SPAG16: variants seen among roughly 807,000 people sequenced by gnomAD.
SPAG16 encodes sperm-associated antigen 16 protein.
Under a neutral mutation model 80.4 loss-of-function variants are expected in SPAG16, and 86 were observed. The ratio of observed to expected loss-of-function variants is 1.07; its 90% CI spans 0.90 to 1.28. The LOEUF (loss-of-function observed/expected upper bound fraction) is 1.28, where lower values mean the gene tolerates loss of function less well. Among genes scored for constraint, SPAG16 ranks in the 50% most tolerant of loss-of-function variants. The pLI, the probability that SPAG16 is intolerant of heterozygous loss-of-function variation, is 0.00. For missense variants in SPAG16, 870 were observed against 765.3 expected, an observed-to-expected ratio of 1.14 and a Z score of -1.61; for synonymous variants, 294 against 265.9, an observed-to-expected ratio of 1.11 and a Z score of -1.03.
chr2:214,100,350 T>A (rs1271558544), intron 13 of SPAG16, among the ~76,000 whole-genome samples: 1 of 151,876 alleles, frequency 6.6e-6, no homozygotes, highest in Non-Finnish European at 1.5e-5. Context: ...CAAAAAGGCA[T>A]TTTTTTTGTT....
chr2:213,928,384 A>G (rs920283729), intron 11 of SPAG16, among the ~76,000 whole-genome samples: 2 of 151,522 alleles, frequency 1.3e-5, no homozygotes, highest in African/African-American at 4.9e-5. Flanking sequence ...GAGCCATCAC[A>G]CCTGGCCCCT....
chr2:213,622,382 G>A (rs1047530324), intron 10 of SPAG16, among the ~76,000 whole-genome samples: 4 of 152,062 alleles, frequency 2.6e-5, no homozygotes, highest in African/African-American at 4.8e-5. Flanking sequence ...CTTTCTTGCC[G>A]CTCCCTAGTT....
chr2:213,730,142 G>C (rs2066965709), intron 10 of SPAG16, among the ~76,000 whole-genome samples: 1 of 152,134 alleles, frequency 6.6e-6, no homozygotes, highest in Non-Finnish European at 1.5e-5. Context: ...CGTCCACTTT[G>C]CAGATTTTAG....
intron 10 of SPAG16, among the ~76,000 whole-genome samples, chr2:213,643,767 C>CTTTTTTTTTTTTTTT (rs71063764): frequency 1.9e-5 from 1 of 52,004 alleles, no homozygotes; most frequent in African/African-American, 8.5e-5. Flanking sequence ...CTCACTACTT[C>CTTTTTTTTTTTTTTT]TTTTTTTTTT....
intron 15 of SPAG16, among the ~76,000 whole-genome samples, chr2:214,320,625 C>T (rs1260014601): frequency 1.3e-5 from 2 of 152,200 alleles, no homozygotes; most frequent in South Asian, 2.1e-4. Context: ...AAGACACCTT[C>T]TTCACAGTGC....
intron 3 of SPAG16, among the ~76,000 whole-genome samples, chr2:213,307,482 T>A (rs1231321982): frequency 6.9e-6 from 1 of 143,934 alleles, no homozygotes; most frequent in Non-Finnish European, 1.5e-5. Flanking sequence ...TGCGATAGTT[T>A]ACTGAGAATG....
intron 10 of SPAG16, among the ~76,000 whole-genome samples, chr2:213,523,553 G>A (rs2075769949): frequency 6.6e-6 from 1 of 152,126 alleles, no homozygotes; most frequent in African/African-American, 2.4e-5. Flanking sequence ...GAAAAATGTA[G>A]GAAAGTTTGG....
intron 9 of SPAG16, among the ~76,000 whole-genome samples, chr2:213,410,887 A>C (rs2068930093): frequency 6.6e-6 from 1 of 152,144 alleles, no homozygotes; most frequent in African/African-American, 2.4e-5. Context: ...CTATATCCTG[A>C]AGTCCGGCAC....
At chr2:213,889,226 T>TTAGA (rs1211014771) in intron 11 of SPAG16, among the ~76,000 whole-genome samples, 2 of 151,908 alleles carry the variant, frequency 1.3e-5, no homozygotes, top group African/African-American at 4.8e-5. Flanking sequence ...CATTTTAACT[T>TTAGA]TAGATAGAAA....
intron 15 of SPAG16, among the ~76,000 whole-genome samples, chr2:214,299,297 C>T (rs76729917): frequency 0.05 from 6,267 of 126,340 alleles, 373 homozygotes; most frequent in East Asian, 0.22. Context: ...GTCACCCAGG[C>T]TGGAGTGCAG....
chr2:213,384,613 G>A (rs1420107460), intron 9 of SPAG16, among the ~76,000 whole-genome samples: 2 of 152,148 alleles, frequency 1.3e-5, no homozygotes, highest in Admixed American at 6.5e-5. Context: ...AGGAATGGAG[G>A]AATCATTGTA....
Position 213,297,276 on chromosome 2 carries a change from T to G in SPAG16, c.198T>G (p.Asn66Lys), listed in dbSNP as rs1306761834. 6.2e-7 allele frequency: 1 copy of G among 1,611,686 alleles called. No homozygotes were observed. The highest frequency in any genetic ancestry group is 8.5e-7 in the Non-Finnish European group (1 of 1,178,318). Residue 66 changes from asparagine to lysine, a missense_variant, in exon 3 of 16, where the codon AAT (asparagine) becomes AAG (lysine). By Grantham distance (94) the Asn-to-Lys change is moderately conservative. Transcript: ENST00000331683. ...CTGTGATCTAGATACCAGATGACAA[T>G]TTTAGCATCCCAGAAGGTGAAGAAG... ...DYEYEEIPDD[N>K]FSIPEGEEDL... is the part of the protein sequence containing the mutation.
At chr2:214,200,838 C>T (rs540136804) in intron 15 of SPAG16, among the ~76,000 whole-genome samples, 1 of 152,240 alleles carries the variant, frequency 6.6e-6, no homozygotes, top group African/African-American at 2.4e-5. Flanking sequence ...ACACCAAAGG[C>T]CTGTCTCCTT....
chr2:213,911,853 TAC>T (rs1575530437), intron 11 of SPAG16, among the ~76,000 whole-genome samples: 1 of 102,922 alleles, frequency 9.7e-6, no homozygotes, highest in African/African-American at 3.3e-5. Context: ...AAAAAAAAAA[TAC>T]ACACACGCAC....
intron 10 of SPAG16, among the ~76,000 whole-genome samples, chr2:213,639,491 T>A (rs929796512): frequency 3.3e-5 from 5 of 152,314 alleles, no homozygotes; most frequent in Middle Eastern, 3.4e-3. Flanking sequence ...TTATCTCCCC[T>A]TCGTTTATGA....
intron 15 of SPAG16, among the ~76,000 whole-genome samples, chr2:214,349,025 A>AAAT (rs1201085510): frequency 1.3e-5 from 2 of 152,222 alleles, no homozygotes; most frequent in African/African-American, 4.8e-5. Context: ...TATCCTGAAT[A>AAAT]AATTCAACAC....
chr2:213,463,014 G>A (rs1035668881), intron 9 of SPAG16, among the ~76,000 whole-genome samples: 1 of 152,212 alleles, frequency 6.6e-6, no homozygotes, highest in Non-Finnish European at 1.5e-5. Flanking sequence ...GAATGGCTTT[G>A]ACCAAAATGC....
chr2:213,782,137 T>A, intron 10 of SPAG16, among the ~76,000 whole-genome samples: 1 of 152,004 alleles, frequency 6.6e-6, no homozygotes, highest in East Asian at 1.9e-4. Flanking sequence ...ATTTTATTAC[T>A]TGTAGTTGAT....
At chr2:214,301,007 C>T (rs1472789864) in intron 15 of SPAG16, among the ~76,000 whole-genome samples, 1 of 146,308 alleles carries the variant, frequency 6.8e-6, no homozygotes, top group Non-Finnish European at 1.5e-5. Context: ...CGAAAATTCT[C>T]ATGTACCCTA....
Sources: allele counts gnomAD v4.1 joint callset (sites outside exome capture counted in the v4.1 genomes callset), GRCh38; gene constraint gnomAD v4.1.1; transcripts MANE v1.5; gene names NCBI Gene and HGNC (gene_info 2026-07-23, HGNC 2026-07-21).